The following NTRK1 variants were observed in gnomAD, a reference collection of about 807,000 sequenced individuals.
NTRK1 encodes high affinity nerve growth factor receptor.
NTRK1 carries 62 observed loss-of-function variants against 86.8 expected under a neutral mutation model. That is an observed-to-expected ratio of 0.71 (90% CI 0.58 to 0.88). The LOEUF (loss-of-function observed/expected upper bound fraction) is 0.88. Among genes scored for constraint, NTRK1 ranks in the 40% least tolerant of loss-of-function variants. The pLI is 0.00. For missense variants in NTRK1, 967 were observed against 1,078.4 expected (o/e 0.90, Z 1.45); for synonymous variants, 469 against 456.6 (o/e 1.03, Z -0.35).
rs1399145308 is a variant in NTRK1 at position 156,852,017 on chromosome 1, G to T, written c.50+9824G>T. 1.2e-6 allele frequency: 2 copies of T among 1,613,586 alleles called. No homozygotes were observed. The highest frequency in any genetic ancestry group is 1.7e-5 in the Admixed American group (1 of 60,010). ...GCGCTCAGCTGTGACACAGCGCCAGGACTCATACTGGTAGGTGCCTGGCGG... is the reference window on the plus strand; with the variant it reads ...GCGCTCAGCTGTGACACAGCGCCAGTACTCATACTGGTAGGTGCCTGGCGG... On this transcript the variant is annotated intron_variant, in intron 2 of 16. Transcript: ENST00000392302.
At position 156,864,358 on chromosome 1, in the gene NTRK1, A is replaced by G. The variant is rs1655824255; in HGVS notation, c.217A>G (p.Ile73Val). Residue 73 changes from isoleucine to valine, a missense_variant, in exon 2 of 17, where the codon ATC becomes GTC. Ile to Val is a conservative substitution (Grantham distance 29). Around this residue, in one of 2 missense-constraint regions of NTRK1, gnomAD observed 330 missense variants for 302.0 expected, o/e 1.09. Coordinates refer to ENST00000524377, the MANE Select transcript of NTRK1 (RefSeq NM_002529.4). ...TCCCATCCGCTCTCCCCACAGCTAC[A>G]TCGAGAACCAGCAGCATCTGCAGCA... ...PGAENLTELY[I>V]ENQQHLQHLE... The G allele has an allele frequency of 1.9e-6, 3 of 1,614,188 alleles. No homozygotes were observed. Among genetic ancestry groups the G allele is most frequent in the Non-Finnish European group, 1.7e-6 (2 of 1,180,014 alleles).
At chr1:156,850,089 AC>A (rs1655149307) in intron 2 of NTRK1, among the ~76,000 whole-genome samples, 1 of 151,940 alleles carries the variant, frequency 6.6e-6, no homozygotes, top group South Asian at 2.1e-4. Context: ...TTTTATAGAG[AC>A]AGAGTTTCAC....
chr1:156,829,310 C>T (rs1654404057), intron 1 of NTRK1, among the ~76,000 whole-genome samples: 1 of 152,170 alleles, frequency 6.6e-6, no homozygotes, highest in Admixed American at 6.5e-5. Flanking sequence ...CTAGAGCACA[C>T]AGCACAGCCA....
At chr1:156,830,179 A>G (rs1419260143) in intron 1 of NTRK1, among the ~76,000 whole-genome samples, 1 of 152,198 alleles carries the variant, frequency 6.6e-6, no homozygotes, top group Non-Finnish European at 1.5e-5. Flanking sequence ...TTTGATACAC[A>G]TTGTGATCAC....
intron 3 of NTRK1, among the ~76,000 whole-genome samples, chr1:156,866,396 T>A (rs187280633): frequency 3.2e-4 from 48 of 152,314 alleles, no homozygotes; most frequent in African/African-American, 1.1e-3. Flanking sequence ...GGTCCTTTCC[T>A]GCCTGACCTT....
chr1:156,853,710 C>A, intron 2 of NTRK1: 1 of 1,554,700 alleles, frequency 6.4e-7, no homozygotes. Flanking sequence ...TGTGACCCTG[C>A]TCTCTCCCTT....
intron 1 of NTRK1, among the ~76,000 whole-genome samples, chr1:156,827,608 G>T (rs1159698410): frequency 6.6e-6 from 1 of 152,138 alleles, no homozygotes; most frequent in Middle Eastern, 3.4e-3. Context: ...TGTTTCCCAG[G>T]CTGGTCTTGA....
At chr1:156,858,811 CAA>C (rs1361277205), upstream of NTRK1, 1 of 605,896 alleles carries the variant, frequency 1.7e-6, no homozygotes, top group Non-Finnish European at 3.0e-6. Context: ...CACAGAGACA[CAA>C]AGACAGTGAC....
intron 1 of NTRK1, among the ~76,000 whole-genome samples, chr1:156,822,403 A>G (rs182649807): frequency 6.6e-6 from 1 of 152,138 alleles, no homozygotes; most frequent in East Asian, 1.9e-4. Flanking sequence ...ACAAAAAATA[A>G]AGAAAAAAAG....
chr1:156,845,485 C>A, intron 2 of NTRK1: 1 of 1,511,532 alleles, frequency 6.6e-7, no homozygotes, highest in Non-Finnish European at 8.8e-7. Context: ...CGCGTACCGC[C>A]TCCAAAAGCA....
chr1:156,860,858 T>G (rs1558095594), upstream of NTRK1: 3 of 1,380,386 alleles, frequency 2.2e-6, no homozygotes, highest in Non-Finnish European at 1.9e-6. Flanking sequence ...CCAGCGCACA[T>G]GTCGGGGGAG....
At chr1:156,850,161 C>A (rs1176810995) in intron 2 of NTRK1, among the ~76,000 whole-genome samples, 1 of 152,116 alleles carries the variant, frequency 6.6e-6, no homozygotes, top group African/African-American at 2.4e-5. Flanking sequence ...CTCGGCTTGC[C>A]AAAGTGCTAG....
chr1:156,855,290 A>G (rs1489447983), intron 2 of NTRK1, among the ~76,000 whole-genome samples: 1 of 151,928 alleles, frequency 6.6e-6, no homozygotes, highest in Non-Finnish European at 1.5e-5. Context: ...TGCAGCCTCC[A>G]TCTCCTGAGT....
At position 156,880,464 on chromosome 1, in the gene NTRK1, A is replaced by G. The variant is rs945904083; in HGVS notation, c.2205+307A>G. On this transcript the variant is annotated intron_variant, in intron 16 of 16. Coordinates refer to ENST00000524377, the MANE Select transcript of NTRK1 (RefSeq NM_002529.4). Reference sequence around the variant, plus strand: ...CATTTTATAGACCTAAGCAGGAATTATCAGAGTGGAAGGGACCAGCACGGG... The same window carrying G: ...CATTTTATAGACCTAAGCAGGAATTGTCAGAGTGGAAGGGACCAGCACGGG... 5 of 429,558 alleles carry G rather than the reference A, an allele frequency of 1.2e-5. No homozygotes were observed. The Admixed American group carries it at 1.9e-4, about 16-fold the overall frequency. The allele number at this position is 429,558 out of a possible 1,614,324, so 26.6% of individuals were successfully genotyped here.
At chr1:156,872,017 C>T (rs377750359) in intron 7 of NTRK1, among the ~76,000 whole-genome samples, 2 of 152,260 alleles carry the variant, frequency 1.3e-5, no homozygotes, top group African/African-American at 4.8e-5. Context: ...GCCAGATGCC[C>T]GGCTGTTCCC....
chr1:156,852,136 G>A (rs778753284), intron 2 of NTRK1: 55 of 1,612,862 alleles, frequency 3.4e-5, no homozygotes, highest in South Asian at 1.9e-4. Flanking sequence ...CCAGGCATTC[G>A]GTGTGGCAGC....
intron 1 of NTRK1, among the ~76,000 whole-genome samples, chr1:156,825,580 A>G (rs571579479): frequency 2.6e-5 from 4 of 152,068 alleles, no homozygotes; most frequent in African/African-American, 9.7e-5. Flanking sequence ...CCAAACCTTA[A>G]CAATGGCCCC....
At position 156,861,159 on chromosome 1, in the gene NTRK1, C is replaced by A. The variant is rs772360644; in HGVS notation, c.212+13C>A. ...ACCTGACTGAGCTGTGAGTGTCCGG[C>A]GGGCGGTGGGGGGGCGCGGGGACAG... is the stretch of plus-strand genomic sequence containing the variant. On this transcript the variant is annotated intron_variant, in intron 1 of 16. Coordinates refer to ENST00000524377, the MANE Select transcript of NTRK1 (RefSeq NM_002529.4). 22 of 1,549,470 alleles carry A rather than the reference C, an allele frequency of 1.4e-5. No homozygotes were observed. The South Asian group carries it at 2.5e-4, about 17-fold the overall frequency.
intron 6 of NTRK1, 66 bp from the exon 7 acceptor site, chr1:156,871,557 G>T: frequency 6.3e-7 from 1 of 1,586,232 alleles, no homozygotes; most frequent in South Asian, 1.1e-5. Context: ...GCTCTCCAAA[G>T]ACTTCAGCCC....
Sources: gnomAD v4.1 joint callset for allele counts (sites outside exome capture counted in the v4.1 genomes callset) on GRCh38, gnomAD v4.1.1 for gene constraint, gnomAD v4.1.1 regional missense constraint, MANE v1.5 for transcripts, NCBI Gene and HGNC (gene_info 2026-07-23, HGNC 2026-07-21) for gene names.